Variants in FXR1 observed in about 807,000 individuals in gnomAD.
FXR1 encodes RNA-binding protein FXR1.
A neutral mutation model predicts 84.0 loss-of-function variants in FXR1; 15 were observed. That is an observed-to-expected ratio of 0.18 (90% confidence interval 0.12 to 0.27). The LOEUF (loss-of-function observed/expected upper bound fraction) is 0.27. Among genes scored for constraint, FXR1 ranks in the 10% least tolerant of loss-of-function variants. The pLI, the probability that FXR1 is intolerant of heterozygous loss-of-function variation, is 1.00. For missense variants in FXR1, 480 were observed against 774.4 expected (o/e 0.62, Z 4.51); for synonymous variants, 245 against 250.7 (o/e 0.98, Z 0.21).
intron 13 of FXR1, among the ~76,000 whole-genome samples, chr3:180,967,569 G>GTT (rs879929544): frequency 2.1e-5 from 3 of 140,528 alleles, no homozygotes; most frequent in East Asian, 4.1e-4. Context: ...GTTCTGTATG[G>GTT]TTTTTTTTTT....
At chr3:180,963,633 A>C (rs1712427465) in intron 13 of FXR1, among the ~76,000 whole-genome samples, 2 of 152,262 alleles carry the variant, frequency 1.3e-5, no homozygotes, top group Admixed American at 1.3e-4. Context: ...ACAACATTTC[A>C]CTAAAATGAA....
chr3:180,934,067 C>T lies in FXR1; in HGVS notation c.104+681C>T, dbSNP rs192792196. On this transcript the variant is annotated intron_variant, in intron 2 of 16. Coordinates refer to ENST00000357559, the MANE Select transcript of FXR1 (RefSeq NM_005087.4). ...AGGTGGAGGTTGCAGTGAGCTGAGACGGCGCCATTGCACTCCAGCCTGGAC... is the reference window on the plus strand; with the variant it reads ...AGGTGGAGGTTGCAGTGAGCTGAGATGGCGCCATTGCACTCCAGCCTGGAC... Among the ~76,000 whole-genome samples, 391 of 152,106 alleles carry T rather than the reference C, an allele frequency of 2.6e-3. 3 individuals are homozygous for T. The highest frequency in any genetic ancestry group is 9.2e-3 in the African/African-American group (381 of 41,512).
In FXR1 at chr3:180,953,759, C is replaced by T. The variant is rs1325758769; in HGVS notation, c.802-3C>T. On this transcript the variant is annotated splice_region_variant and splice_polypyrimidine_tract_variant and intron_variant, in intron 8 of 16. Transcript: ENST00000357559. ...TCATTTTTACTTTTCCCCTCATCTA[C>T]AGAGTGCTGATGCTGTAAAAAAGGC... 1 of 1,490,464 alleles carries T rather than the reference C, an allele frequency of 6.7e-7. No individual in the cohort carries two copies. Among genetic ancestry groups the T allele is most frequent in the East Asian group, 2.3e-5 (1 of 43,926 alleles). The allele number at this position is 1,490,464 out of a possible 1,614,324, so 92.3% of individuals were successfully genotyped here.
At position 180,931,247 on chromosome 3, in the gene FXR1, T is replaced by G. The variant is rs534881072; in HGVS notation, c.52-2087T>G. Among the ~76,000 whole-genome samples, 50 of 152,158 alleles carry G rather than the reference T, an allele frequency of 3.3e-4. 1 individual carries two copies. Among genetic ancestry groups the G allele is most frequent in the Non-Finnish European group, 5.9e-4 (40 of 68,002 alleles). Reference sequence around the variant, plus strand: ...TTGTTTTTTTCTTTGAGATGGAGTTTTGCTGTTGTCGCCCAGGCTGGAGTG... The same window carrying G: ...TTGTTTTTTTCTTTGAGATGGAGTTGTGCTGTTGTCGCCCAGGCTGGAGTG... On this transcript the variant is annotated intron_variant, in intron 1 of 16. Coordinates refer to ENST00000357559, the MANE Select transcript of FXR1 (RefSeq NM_005087.4).
intron 1 of FXR1, among the ~76,000 whole-genome samples, chr3:180,914,319 T>C (rs115725483): frequency 3.3e-5 from 5 of 152,154 alleles, no homozygotes; most frequent in Non-Finnish European, 5.9e-5. Flanking sequence ...AATAGACTTA[T>C]CTATGTTTTT....
Position 180,968,150 on chromosome 3 carries a change from G to T in FXR1, c.1298G>T (p.Arg433Leu), listed in dbSNP as rs371485992. ...SLAGEDDRDS[R>L]HQRDSRRRPG... Reference sequence around the variant, plus strand: ...GCAGGAGAAGATGATCGAGACAGCCGACATCAGCGTGACAGCAGGAGACGC... The same window carrying T: ...GCAGGAGAAGATGATCGAGACAGCCTACATCAGCGTGACAGCAGGAGACGC... The change falls in exon 14 of 17, where the codon CGA becomes CTA. Residue 433 changes from arginine to leucine, a missense_variant. Around this residue, in one of 6 missense-constraint regions of FXR1, gnomAD observed 157 missense variants for 227.8 expected, o/e 0.69. Coordinates refer to ENST00000357559, the MANE Select transcript of FXR1 (RefSeq NM_005087.4). 1 of 1,613,384 alleles carries T rather than the reference G, an allele frequency of 6.2e-7. No individual in the cohort carries two copies. The highest frequency in any genetic ancestry group is 1.1e-5 in the South Asian group (1 of 91,062).
At position 180,963,076 on chromosome 3, in the gene FXR1, ACAC is replaced by A; in HGVS notation, c.1186_1188del (p.Thr396del). On this transcript the variant is annotated inframe_deletion, in exon 13 of 17. Coordinates refer to ENST00000357559, the MANE Select transcript of FXR1 (RefSeq NM_005087.4). ...GGCAGAGGTCGTCGGGGACCTAATT[ACAC>A]CTCCGGTTATGGTAAAAAAAAATTT... 1 of 1,530,968 alleles carries A rather than the reference ACAC, an allele frequency of 6.5e-7. No homozygotes were observed. The highest frequency in any genetic ancestry group is 9.0e-7 in the Non-Finnish European group (1 of 1,112,570). 94.8% of individuals were successfully genotyped at this position (1,530,968 alleles called of 1,614,324 possible). A position where few individuals can be genotyped will look rare whatever the true frequency, so the allele number is the denominator to read the frequency against.
rs1714368333 is a variant in FXR1, at chr3:180,977,735, A to G, written c.*1443A>G. The G allele has an allele frequency of 6.6e-6, 1 of 152,128 alleles. No homozygotes were observed. The highest frequency in any genetic ancestry group is 6.6e-5 in the Admixed American group (1 of 15,264). The allele number at this position is 152,128 out of a possible 1,614,324, so 9.4% of individuals were successfully genotyped here. ...TGACAGCCCTTTGTTATCACTTGGCATATGAAAAGTGTTGTGTGCATAGTT... is the reference window on the plus strand; with the variant it reads ...TGACAGCCCTTTGTTATCACTTGGCGTATGAAAAGTGTTGTGTGCATAGTT... On this transcript the variant is annotated 3_prime_UTR_variant, in exon 17 of 17. Transcript: ENST00000357559.
chr3:180,958,287 G>A (rs1262029791), intron 10 of FXR1, among the ~76,000 whole-genome samples: 2 of 151,782 alleles, frequency 1.3e-5, no homozygotes, highest in Non-Finnish European at 2.9e-5. Context: ...TTGGTTACAT[G>A]GTTAAGCTGC....
At chr3:180,950,107 A>G (rs1053026591) in intron 7 of FXR1, among the ~76,000 whole-genome samples, 3 of 151,772 alleles carry the variant, frequency 2.0e-5, no homozygotes, top group African/African-American at 7.3e-5. Context: ...ATCCTAAGGT[A>G]CTCTGTTTTG....
chr3:180,971,605 AAG>A (rs1713596297), intron 15 of FXR1: 1 of 152,616 alleles, frequency 6.6e-6, no homozygotes, highest in African/African-American at 2.4e-5. Flanking sequence ...AAAAGTATAA[AAG>A]AGAAAAATAT....
Position 180,968,260 on chromosome 3 carries a change from C to G in FXR1, c.1402+6C>G. On this transcript the variant is annotated splice_donor_region_variant and intron_variant, in intron 14 of 16. Transcript: ENST00000357559. Reference sequence around the variant, plus strand: ...CAAATCCTCCATCAGTTCTGGTAGTCTTTTCTATACTCTGTCAGCATCCAT... The same window carrying G: ...CAAATCCTCCATCAGTTCTGGTAGTGTTTTCTATACTCTGTCAGCATCCAT... The G allele has an allele frequency of 6.5e-7, 1 of 1,544,930 alleles. No individual in the cohort carries two copies. The highest frequency in any genetic ancestry group is 1.4e-5 in the African/African-American group (1 of 73,688).
chr3:180,935,212 G>A lies in FXR1; in HGVS notation c.179G>A (p.Ser60Asn). 1 of 1,479,360 alleles carries A rather than the reference G, an allele frequency of 6.8e-7. No homozygotes were observed. Among genetic ancestry groups the A allele is most frequent in the South Asian group, 1.1e-5 (1 of 87,956 alleles). 91.6% of individuals were successfully genotyped at this position (1,479,360 alleles called of 1,614,324 possible). ...PPPPDIKKEI[S>N]EGDEVEVYSR... ...CCACCTGATATAAAAAAAGAAATTA[G>A]TGAAGGAGATGAAGTAGAGGTATGT... Residue 60 changes from serine to asparagine, a missense_variant, in exon 3 of 17, where the codon AGT (serine) becomes AAT (asparagine). Around this residue, in one of 6 missense-constraint regions of FXR1, gnomAD observed 54 missense variants for 74.2 expected, o/e 0.73. Transcript: ENST00000357559.
intron 1 of FXR1, among the ~76,000 whole-genome samples, chr3:180,931,653 C>T (rs1440014434): frequency 6.6e-6 from 1 of 152,014 alleles, no homozygotes; most frequent in Non-Finnish European, 1.5e-5. Context: ...CTGAGCCATT[C>T]CCACTGCCAG....
rs1011787967 is a variant in FXR1, at chr3:180,978,722, T to C, written c.*2430T>C. On this transcript the variant is annotated 3_prime_UTR_variant, in exon 17 of 17. Coordinates refer to ENST00000357559, the MANE Select transcript of FXR1 (RefSeq NM_005087.4). ...CTTTAAAGAGAAGGAAAAAAAGGTA[T>C]TCTGGAAGATCTTGTGCAGTTGCAA... The C allele has an allele frequency of 5.9e-5, 9 of 152,074 alleles. No individual in the cohort carries two copies. Among genetic ancestry groups the C allele is most frequent in the African/African-American group, 2.2e-4 (9 of 41,410 alleles). The allele number at this position is 152,074 out of a possible 1,614,324, so 9.4% of individuals were successfully genotyped here.
chr3:180,929,057 G>T (rs1312236586), intron 1 of FXR1, among the ~76,000 whole-genome samples: 7 of 152,080 alleles, frequency 4.6e-5, no homozygotes. Context: ...AAGTAGCTGG[G>T]ATTATAGTCA....
chr3:180,912,844 C>T (rs1458695476), intron 1 of FXR1, 108 bp downstream of exon 1: 2 of 1,595,798 alleles, frequency 1.3e-6, no homozygotes, highest in Non-Finnish European at 1.7e-6. Flanking sequence ...GGCAGCCAGG[C>T]CAAAGCTCGA....
At chr3:180,954,872 A>ATTTTTTTTTTTTT (rs11328945) in intron 9 of FXR1, among the ~76,000 whole-genome samples, 1 of 114,582 alleles carries the variant, frequency 8.7e-6, no homozygotes, top group Non-Finnish European at 1.8e-5. Flanking sequence ...TTCTAAAAAG[A>ATTTTTTTTTTTTT]TTTTTTTTTT....
At chr3:180,928,281 A>AT (rs1463930605) in intron 1 of FXR1, among the ~76,000 whole-genome samples, 2 of 151,996 alleles carry the variant, frequency 1.3e-5, no homozygotes, top group Non-Finnish European at 2.9e-5. Context: ...TTCCTTTAAA[A>AT]TATCTTTTCC....
Sources: gnomAD v4.1 joint callset for allele counts (sites outside exome capture counted in the v4.1 genomes callset) on GRCh38, gnomAD v4.1.1 for gene constraint, gnomAD v4.1.1 regional missense constraint, MANE v1.5 for transcripts, NCBI Gene and HGNC (gene_info 2026-07-23, HGNC 2026-07-21) for gene names.